Variants in CSPP1 observed in about 807,000 individuals in gnomAD.
CSPP1 encodes centrosome and spindle pole associated protein 1.
Under a neutral mutation model 164.4 loss-of-function variants are expected in CSPP1, and 126 were observed. The observed-to-expected ratio is 0.77, with a 90% CI of 0.66 to 0.89. The LOEUF (loss-of-function observed/expected upper bound fraction) is 0.89. CSPP1 is among the 40% of genes least tolerant of loss of function. CSPP1 has a pLI of 0.00. For synonymous variants in CSPP1, 472 were observed against 476.7 expected (o/e 0.99, Z 0.13); for missense variants, 1,395 against 1,449.8 (o/e 0.96, Z 0.61).
At chr8:67,071,374 G>GT (rs561318240) in intron 1 of CSPP1, among the ~76,000 whole-genome samples, 5,306 of 132,286 alleles carry the variant, frequency 0.04, 257 homozygotes, top group African/African-American at 0.14. Context: ...TATTCCCTCT[G>GT]TTTTTTTTTT....
chr8:67,173,103 A>T (rs563821151), intron 25 of CSPP1: 3 of 152,510 alleles, frequency 2.0e-5, no homozygotes. Flanking sequence ...GACAATAGGC[A>T]TAAGACTTTT....
intron 9 of CSPP1, among the ~76,000 whole-genome samples, chr8:67,107,101 G>T (rs1815729063): frequency 1.3e-5 from 2 of 151,416 alleles, no homozygotes; most frequent in Admixed American, 1.3e-4. Flanking sequence ...AGGCTGGAGT[G>T]CAGGGGCACG....
At chr8:67,128,734 T>G (rs965167735) in intron 15 of CSPP1, among the ~76,000 whole-genome samples, 13 of 152,222 alleles carry the variant, frequency 8.5e-5, no homozygotes, top group Middle Eastern at 3.4e-3. Context: ...ATCCTAAAAC[T>G]GAACCTCAAA....
rs533327313 is a variant in CSPP1, at chr8:67,115,998, A to G, written c.1372A>G (p.Thr458Ala). Residue 458 changes from threonine (T) to alanine (A), a missense_variant, in exon 13 of 31, where the codon ACA becomes GCA. Coordinates refer to ENST00000678616, the MANE Select transcript of CSPP1 (RefSeq NM_001382391.1). ...PPERPRIAFQ[T>A]PLPPLSAPSV... is the part of the protein sequence containing the mutation. Reference sequence around the variant, plus strand: ...TGAAAGACCCAGAATAGCTTTCCAGACACCTCTCCCTCCTTTATCTGCCCC... The same window carrying G: ...TGAAAGACCCAGAATAGCTTTCCAGGCACCTCTCCCTCCTTTATCTGCCCC... 26 of 1,613,884 alleles carry G rather than the reference A, an allele frequency of 1.6e-5. 1 individual carries two copies. In the South Asian group the frequency reaches 2.7e-4, roughly 17 times the overall value.
At chr8:67,190,530 C>A in intron 28 of CSPP1, 120 bp from the exon 29 acceptor site, 1 of 710,978 alleles carries the variant, frequency 1.4e-6, no homozygotes, top group Non-Finnish European at 2.5e-6. Context: ...TATGTACATA[C>A]ATTGAGTGTG....
chr8:67,074,501 G>A, intron 2 of CSPP1, 150 bp downstream of exon 2: 1 of 517,140 alleles, frequency 1.9e-6, no homozygotes. Context: ...AGACAAGATT[G>A]CAGTAATTTT....
At chr8:67,178,067 C>T (rs1294096043) in intron 27 of CSPP1, among the ~76,000 whole-genome samples, 2 of 152,184 alleles carry the variant, frequency 1.3e-5, no homozygotes, top group Non-Finnish European at 1.5e-5. Flanking sequence ...TACTTAGAGA[C>T]AGGCCTGGCA....
intron 19 of CSPP1, 48 bp downstream of exon 19, chr8:67,154,184 A>G (rs368543268): frequency 2.0e-5 from 18 of 916,834 alleles, no homozygotes; most frequent in Admixed American, 1.0e-4. Flanking sequence ...ATTTTAATAA[A>G]CAAAACTTGC....
intron 19 of CSPP1, 144 bp downstream of exon 19, chr8:67,154,280 T>C (rs908529078): frequency 3.8e-6 from 2 of 530,604 alleles, no homozygotes; most frequent in African/African-American, 3.8e-5. Context: ...CAGATATCAG[T>C]AGTACAAAAG....
chr8:67,111,966 A>C lies in CSPP1; in HGVS notation c.1094-6A>C, dbSNP rs371706943. On this transcript the variant is annotated splice_region_variant and splice_polypyrimidine_tract_variant and intron_variant, in intron 9 of 30. Coordinates refer to ENST00000678616, the MANE Select transcript of CSPP1 (RefSeq NM_001382391.1). ...AAGATTGTATTTTTCTCATACCACT[A>C]TCTAGGAGGTGAAGATCGAGAACTT... 3 of 1,579,632 alleles carry C rather than the reference A, an allele frequency of 1.9e-6. No individual in the cohort carries two copies. Among genetic ancestry groups the C allele is most frequent in the Non-Finnish European group, 2.6e-6 (3 of 1,152,110 alleles).
At chr8:67,085,879 A>G in intron 3 of CSPP1, 128 bp from the exon 4 acceptor site, 1 of 605,188 alleles carries the variant, frequency 1.7e-6, no homozygotes, top group South Asian at 2.0e-5. Context: ...TTTAAGTAAA[A>G]AACTTACCCT....
chr8:67,185,592 A>G (rs1323630936), intron 28 of CSPP1, among the ~76,000 whole-genome samples: 1 of 152,222 alleles, frequency 6.6e-6, no homozygotes, highest in Non-Finnish European at 1.5e-5. Flanking sequence ...GTTGACAGCA[A>G]TTAGTAGCTG....
intron 28 of CSPP1, 23 bp downstream of exon 28, chr8:67,179,949 G>A: frequency 7.5e-7 from 1 of 1,336,356 alleles, no homozygotes; most frequent in African/African-American, 1.4e-5. Flanking sequence ...ATTTTATTAA[G>A]GCTATATTGT....
chr8:67,170,538 G>A (rs758291645), intron 24 of CSPP1, among the ~76,000 whole-genome samples: 5 of 152,186 alleles, frequency 3.3e-5, no homozygotes, highest in South Asian at 2.1e-4. Flanking sequence ...TGATGGAATC[G>A]AGGTCAAACT....
Position 67,103,106 on chromosome 8 carries a change from CATA to C in CSPP1, c.995_997del (p.Ile332del), listed in dbSNP as rs1467092526. On this transcript the variant is annotated inframe_deletion, in exon 8 of 31. Coordinates refer to ENST00000678616, the MANE Select transcript of CSPP1 (RefSeq NM_001382391.1). Reference sequence around the variant, plus strand: ...ATGGGGATGTTATAGAACAGTCAAACATAAGAATTTCATCTGCTGAAAATAAAA... The same window carrying C: ...ATGGGGATGTTATAGAACAGTCAAACAGAATTTCATCTGCTGAAAATAAAA... The C allele has an allele frequency of 6.2e-7, 1 of 1,605,920 alleles. No individual in the cohort carries two copies. The highest frequency in any genetic ancestry group is 1.3e-5 in the African/African-American group (1 of 74,846).
At chr8:67,089,817 G>A (rs1402029240) in intron 4 of CSPP1, among the ~76,000 whole-genome samples, 3 of 151,250 alleles carry the variant, frequency 2.0e-5, no homozygotes, top group Admixed American at 2.0e-4. Context: ...GGTAGAGACA[G>A]GGTAATAAAA....
intron 15 of CSPP1, among the ~76,000 whole-genome samples, chr8:67,128,349 G>A (rs1363774499): frequency 6.6e-6 from 1 of 152,036 alleles, no homozygotes; most frequent in Non-Finnish European, 1.5e-5. Flanking sequence ...GATCAGCCTG[G>A]TCAACATGGT....
chr8:67,067,801 A>G (rs1805899610), intron 1 of CSPP1, among the ~76,000 whole-genome samples: 2 of 152,080 alleles, frequency 1.3e-5, no homozygotes, highest in Non-Finnish European at 2.9e-5. Flanking sequence ...TCATATATGC[A>G]AAGACTGTAA....
rs771048679 is a variant in CSPP1, at chr8:67,158,458, GAAAC to G, written c.2257_2260del (p.Gln753GlufsTer9). ...GTTTAATTCTTTAGATTGAGGAAAA[GAAAC>G]AAAGAGAGGAAGCAGAGCGAGAGAG... On this transcript the variant is annotated frameshift_variant, in exon 20 of 31. Coordinates refer to ENST00000678616, the MANE Select transcript of CSPP1 (RefSeq NM_001382391.1). LOFTEE classifies it high-confidence loss of function. The G allele has an allele frequency of 3.1e-6, 5 of 1,597,738 alleles. No homozygotes were observed. The highest frequency in any genetic ancestry group is 2.2e-5 in the East Asian group (1 of 44,718).
Sources: allele counts gnomAD v4.1 joint callset (sites outside exome capture counted in the v4.1 genomes callset), GRCh38; gene constraint gnomAD v4.1.1; transcripts MANE v1.5; gene names NCBI Gene and HGNC (gene_info 2026-07-23, HGNC 2026-07-21).